PCSK2: variants seen among roughly 807,000 people sequenced by gnomAD.
PCSK2 encodes proprotein convertase subtilisin/kexin type 2.
Under a neutral mutation model 69.7 loss-of-function variants are expected in PCSK2, and 14 were observed. The ratio of observed to expected loss-of-function variants is 0.20; its 90% CI spans 0.13 to 0.31. The LOEUF (loss-of-function observed/expected upper bound fraction) is 0.31. PCSK2 is among the 10% of genes least tolerant of loss of function. The pLI is 1.00. For missense variants in PCSK2, 544 were observed against 842.5 expected (o/e 0.65, Z 4.39); for synonymous variants, 307 against 320.7 (o/e 0.96, Z 0.46).
intron 2 of PCSK2, among the ~76,000 whole-genome samples, chr20:17,353,315 A>G (rs1341249261): frequency 1.3e-5 from 2 of 152,050 alleles, no homozygotes; most frequent in African/African-American, 2.4e-5. Context: ...ACAAAAAAAA[A>G]TTAGCTGGGC....
intron 2 of PCSK2, among the ~76,000 whole-genome samples, chr20:17,346,903 T>C (rs1467881794): frequency 1.3e-5 from 2 of 152,196 alleles, no homozygotes; most frequent in Non-Finnish European, 2.9e-5. Context: ...GTTGGCTGCC[T>C]TGGCACCTCG....
intron 6 of PCSK2, among the ~76,000 whole-genome samples, chr20:17,419,804 T>A (rs1344252585): frequency 1.3e-5 from 2 of 152,204 alleles, no homozygotes; most frequent in Non-Finnish European, 2.9e-5. Context: ...TCCATAAAAA[T>A]CTCTCTTGCA....
intron 2 of PCSK2, among the ~76,000 whole-genome samples, chr20:17,315,503 A>G (rs1199621524): frequency 2.0e-5 from 3 of 152,054 alleles, no homozygotes; most frequent in African/African-American, 7.2e-5. Context: ...CCCGGTGCAC[A>G]GCGCCCAGCT....
intron 5 of PCSK2, among the ~76,000 whole-genome samples, chr20:17,406,353 AC>A (rs533334679): frequency 6.6e-6 from 1 of 152,214 alleles, no homozygotes; most frequent in South Asian, 2.1e-4. Context: ...AAGAATAACA[AC>A]TGTTTGCCTT....
intron 5 of PCSK2, among the ~76,000 whole-genome samples, chr20:17,403,271 A>G (rs890465990): frequency 6.6e-6 from 1 of 152,226 alleles, no homozygotes; most frequent in African/African-American, 2.4e-5. Context: ...AAGAAATGTT[A>G]AATTTCATTA....
chr20:17,482,039 G>C lies in PCSK2; in HGVS notation c.1886G>C (p.Arg629Thr), dbSNP rs755200545. 9.4e-6 allele frequency: 15 copies of C among 1,603,138 alleles called. No individual in the cohort carries two copies. Among genetic ancestry groups the C allele is most frequent in the Non-Finnish European group, 1.3e-5 (15 of 1,175,920 alleles). ...LEEELDEAVE[R>T]SLKSILNKN ...GAAGAGCTGGACGAAGCCGTGGAGA[G>C]AAGCCTGAAAAGCATCCTTAACAAG... Residue 629 changes from arginine (R) to threonine (T), a missense_variant, in exon 12 of 12, where the codon AGA becomes ACA. Arg to Thr is a moderately conservative substitution (Grantham distance 71). This residue lies in a region of PCSK2 where 200 missense variants were observed against 287.8 expected (regional missense o/e 0.69). Transcript: ENST00000262545.
intron 5 of PCSK2, 79 bp downstream of exon 5, chr20:17,369,356 A>C: frequency 9.5e-7 from 1 of 1,050,832 alleles, no homozygotes; most frequent in South Asian, 1.3e-5. Context: ...GAACATGCAC[A>C]TGTCTACATG....
intron 11 of PCSK2, among the ~76,000 whole-genome samples, chr20:17,477,445 G>T (rs2033312172): frequency 1.3e-5 from 2 of 151,574 alleles, no homozygotes; most frequent in Admixed American, 1.3e-4. Flanking sequence ...CTTAAATCAG[G>T]CTTAAACAAC....
At chr20:17,241,172 A>G (rs1045772208) in intron 1 of PCSK2, among the ~76,000 whole-genome samples, 2 of 152,220 alleles carry the variant, frequency 1.3e-5, no homozygotes. Flanking sequence ...AGGCAATAAT[A>G]CATTGAGGTA....
At chr20:17,256,616 GT>G (rs958346984) in intron 1 of PCSK2, among the ~76,000 whole-genome samples, 2 of 148,108 alleles carry the variant, frequency 1.4e-5, no homozygotes, top group East Asian at 2.0e-4. Flanking sequence ...CCCCACCCCT[GT>G]TTTTTTTTCT....
intron 1 of PCSK2, among the ~76,000 whole-genome samples, chr20:17,255,867 T>C (rs1987158723): frequency 6.6e-6 from 1 of 152,192 alleles, no homozygotes; most frequent in Non-Finnish European, 1.5e-5. Context: ...TTTGCTACTA[T>C]TTTGATGAGC....
Position 17,348,050 on chromosome 20 carries a change from G to GAAAGAAA in PCSK2, c.283-10277_283-10276insAAAGAAA, listed in dbSNP as rs202080909. Among the ~76,000 whole-genome samples the GAAAGAAA allele has an allele frequency of 5.2e-3, 453 of 86,906 alleles. 12 individuals are homozygous for GAAAGAAA. Among genetic ancestry groups the GAAAGAAA allele is most frequent in the Non-Finnish European group, 6.7e-3 (269 of 40,140 alleles). 57.0% of individuals were successfully genotyped at this position (86,906 alleles called of 152,430 possible). On this transcript the variant is annotated intron_variant, in intron 2 of 11. Coordinates refer to ENST00000262545, the MANE Select transcript of PCSK2 (RefSeq NM_002594.5). ...AAGAAAGAAGAAAGAAAGAAAGAAA[G>GAAAGAAA]GAAAGAAAGAAAGAAAGAAAGAAAG...
At chr20:17,330,102 A>T (rs1355847271) in intron 2 of PCSK2, among the ~76,000 whole-genome samples, 1 of 152,248 alleles carries the variant, frequency 6.6e-6, no homozygotes, top group African/African-American at 2.4e-5. Context: ...GTACAAAATT[A>T]TAATGAGATA....
At chr20:17,448,584 G>C (rs1213454399) in intron 8 of PCSK2, among the ~76,000 whole-genome samples, 2 of 152,074 alleles carry the variant, frequency 1.3e-5, no homozygotes, top group Non-Finnish European at 2.9e-5. Flanking sequence ...GCAAAATACT[G>C]TTTTGTCGGT....
chr20:17,384,497 G>A (rs986536365), intron 5 of PCSK2, among the ~76,000 whole-genome samples: 35 of 151,970 alleles, frequency 2.3e-4, no homozygotes, highest in African/African-American at 8.2e-4. Context: ...AGCTACTTGG[G>A]AGGCTGAGGC....
At chr20:17,388,408 T>A (rs150320368) in intron 5 of PCSK2, among the ~76,000 whole-genome samples, 204 of 152,250 alleles carry the variant, frequency 1.3e-3, no homozygotes, top group Non-Finnish European at 2.4e-3. Context: ...GCCAAAGAGC[T>A]GTTATGGTTA....
intron 2 of PCSK2, among the ~76,000 whole-genome samples, chr20:17,328,021 A>G (rs941087986): frequency 3.9e-5 from 6 of 152,294 alleles, no homozygotes; most frequent in South Asian, 2.1e-4. Flanking sequence ...CTGCACCTAG[A>G]ACAATCCCAC....
At chr20:17,267,694 T>C (rs1276955581) in intron 2 of PCSK2, among the ~76,000 whole-genome samples, 3 of 152,148 alleles carry the variant, frequency 2.0e-5, no homozygotes, top group African/African-American at 7.2e-5. Context: ...AAATGATGGG[T>C]ACTGTTCGTG....
rs571542398 is a variant in PCSK2 at position 17,403,916 on chromosome 20, G to A, written c.544-5347G>A. ...CTTGTGCTTCGTGGACATGCTAGTAGGTATATAGTGCCATTTGTGTGAAAT... is the reference window on the plus strand; with the variant it reads ...CTTGTGCTTCGTGGACATGCTAGTAAGTATATAGTGCCATTTGTGTGAAAT... On this transcript the variant is annotated intron_variant, in intron 5 of 11. Transcript: ENST00000262545. 5.9e-5 allele frequency among the ~76,000 whole-genome samples: 9 copies of A among 152,298 alleles called. No homozygotes were observed. In the South Asian group the frequency reaches 1.0e-3, roughly 18 times the overall value.
Sources: gnomAD v4.1 joint callset for allele counts (sites outside exome capture counted in the v4.1 genomes callset) on GRCh38, gnomAD v4.1.1 for gene constraint, gnomAD v4.1.1 regional missense constraint, MANE v1.5 for transcripts, NCBI Gene and HGNC (gene_info 2026-07-23, HGNC 2026-07-21) for gene names.